The following ZNF407 variants were observed in gnomAD, a reference collection of about 807,000 sequenced individuals.
ZNF407 encodes the protein zinc finger protein 407.
A neutral mutation model predicts 131.2 loss-of-function variants in ZNF407; 17 were observed. The ratio of observed to expected loss-of-function variants is 0.13; its 90% CI spans 0.09 to 0.19. The LOEUF (loss-of-function observed/expected upper bound fraction) is 0.19. Ranked by LOEUF, ZNF407 falls within the 10% of genes least tolerant of loss-of-function variation. ZNF407 has a pLI of 1.00. For missense variants in ZNF407, 2,681 were observed against 2,830.6 expected (o/e 0.95, Z 1.20); for synonymous variants, 1,156 against 1,062.0 (o/e 1.09, Z -1.72).
chr18:75,001,790 G>GAAAA, intron 8 of ZNF407, among the ~76,000 whole-genome samples: 1 of 152,334 alleles, frequency 6.6e-6, no homozygotes, highest in South Asian at 2.1e-4. Flanking sequence ...ATAGTAGGTT[G>GAAAA]TATGTGGAAT....
At chr18:74,601,659 G>A (rs966763799) in intron 1 of ZNF407, among the ~76,000 whole-genome samples, 6 of 152,062 alleles carry the variant, frequency 3.9e-5, no homozygotes, top group Non-Finnish European at 2.9e-5. Context: ...GAGCAGGAGC[G>A]AGAGAGTGGG....
At chr18:74,963,504 T>A (rs1269149121) in intron 8 of ZNF407, among the ~76,000 whole-genome samples, 1 of 152,244 alleles carries the variant, frequency 6.6e-6, no homozygotes, top group Non-Finnish European at 1.5e-5. Context: ...CTACTCGATT[T>A]TTTTTTAATC....
chr18:74,791,797 C>A (rs1022577503), intron 4 of ZNF407, among the ~76,000 whole-genome samples: 5 of 152,112 alleles, frequency 3.3e-5, no homozygotes, highest in African/African-American at 1.2e-4. Flanking sequence ...TGGTTAATTT[C>A]TTGAGGGCTG....
chr18:74,726,742 C>G (rs1408815402), intron 3 of ZNF407, among the ~76,000 whole-genome samples: 2 of 152,130 alleles, frequency 1.3e-5, no homozygotes, highest in Non-Finnish European at 2.9e-5. Flanking sequence ...TAAATTAGTA[C>G]ACATTAGTTT....
At chr18:74,721,130 A>G (rs928489014) in intron 3 of ZNF407, among the ~76,000 whole-genome samples, 12 of 151,866 alleles carry the variant, frequency 7.9e-5, no homozygotes, top group Non-Finnish European at 4.4e-5. Context: ...TGAACAGGAG[A>G]TGTCTTTCCA....
intron 3 of ZNF407, among the ~76,000 whole-genome samples, chr18:74,719,041 T>C (rs1363428573): frequency 6.6e-6 from 1 of 152,186 alleles, no homozygotes; most frequent in African/African-American, 2.4e-5. Flanking sequence ...CTTGTTGCCT[T>C]TATTGTATTT....
intron 3 of ZNF407, among the ~76,000 whole-genome samples, chr18:74,700,592 A>T (rs1349776049): frequency 3.3e-5 from 5 of 152,134 alleles, no homozygotes; most frequent in Non-Finnish European, 5.9e-5. Context: ...CTCAGCTATA[A>T]TTTCTCGATT....
chr18:75,040,937 G>T (rs148475871), intron 8 of ZNF407, among the ~76,000 whole-genome samples: 1 of 152,182 alleles, frequency 6.6e-6, no homozygotes, highest in African/African-American at 2.4e-5. Flanking sequence ...TGTCCTGCTC[G>T]TGAAGTAGGA....
chr18:74,603,228 G>T (rs1427606311), intron 1 of ZNF407, among the ~76,000 whole-genome samples: 1 of 152,192 alleles, frequency 6.6e-6, no homozygotes, highest in African/African-American at 2.4e-5. Flanking sequence ...GAGAGTTGAT[G>T]ATAAGGAATC....
intron 1 of ZNF407, among the ~76,000 whole-genome samples, chr18:74,630,327 T>C (rs1347325144): frequency 6.6e-6 from 1 of 151,996 alleles, no homozygotes; most frequent in Non-Finnish European, 1.5e-5. Flanking sequence ...CCTGCCACCA[T>C]ACCTGGCTAA....
At chr18:75,062,049 C>A (rs1056646727) in intron 8 of ZNF407, 2 of 152,284 alleles carry the variant, frequency 1.3e-5, no homozygotes, top group Non-Finnish European at 2.9e-5. Context: ...CCTTGGGCAA[C>A]CTGCTCTGTG....
chr18:74,703,045 ATAACT>A lies in ZNF407; in HGVS notation c.4802+61926_4802+61930del, dbSNP rs1967537519. On this transcript the variant is annotated intron_variant, in intron 3 of 8. Transcript: ENST00000299687. The surrounding 1 kb of genome is among the most constrained non-coding windows in gnomAD (Gnocchi z 4.1). ...AATTTGGGGCTCTTCTTCCAGGAGC[ATAACT>A]TACACATGCCTGGTCTAGTGGTTGG... Among the ~76,000 whole-genome samples the A allele has an allele frequency of 6.6e-6, 1 of 152,234 alleles. No homozygotes were observed. Among genetic ancestry groups the A allele is most frequent in the African/African-American group, 2.4e-5 (1 of 41,466 alleles).
intron 4 of ZNF407, among the ~76,000 whole-genome samples, chr18:74,835,872 C>T (rs1443320234): frequency 6.6e-6 from 1 of 152,056 alleles, no homozygotes; most frequent in East Asian, 1.9e-4. Context: ...GTGAGATCAG[C>T]TCACAGGTAC....
At chr18:74,708,514 A>G (rs1334745601) in intron 3 of ZNF407, among the ~76,000 whole-genome samples, 1 of 151,782 alleles carries the variant, frequency 6.6e-6, no homozygotes, top group Non-Finnish European at 1.5e-5. Flanking sequence ...GAAGAGAAGC[A>G]TGTTGCTTCA....
intron 4 of ZNF407, among the ~76,000 whole-genome samples, chr18:74,847,888 T>C (rs914817973): frequency 1.3e-5 from 2 of 152,132 alleles, no homozygotes; most frequent in Non-Finnish European, 2.9e-5. Context: ...CACAGTGTTT[T>C]CATCCTTCTC....
chr18:74,788,696 T>C (rs1213095424), intron 4 of ZNF407, among the ~76,000 whole-genome samples: 1 of 150,834 alleles, frequency 6.6e-6, no homozygotes. Flanking sequence ...TAAGTGTTAG[T>C]AGTATATGTC....
At chr18:74,891,800 C>A (rs1294237759) in intron 7 of ZNF407, among the ~76,000 whole-genome samples, 1 of 152,106 alleles carries the variant, frequency 6.6e-6, no homozygotes, top group African/African-American at 2.4e-5. Context: ...ACAAGAATTT[C>A]CTTTAATTTT....
chr18:74,632,228 G>T lies in ZNF407; in HGVS notation c.1209G>T (p.Gln403His). ...TGGAATCTACAAAAAATACCCTTCA[G>T]GCAGCACACGGTAACAGTGTAACCT... ...EKLESTKNTL[Q>H]AAHGNSVTSR... is the part of the protein sequence containing the mutation. The change falls in exon 2 of 9, where the codon CAG becomes CAT. Residue 403 changes from glutamine to histidine, a missense_variant. Around this residue, in one of 6 missense-constraint regions of ZNF407, gnomAD observed 1,789 missense variants for 1,748.7 expected, o/e 1.02. Coordinates refer to ENST00000299687, the MANE Select transcript of ZNF407 (RefSeq NM_017757.3). 1 of 1,613,960 alleles carries T rather than the reference G, an allele frequency of 6.2e-7. No homozygotes were observed. Among genetic ancestry groups the T allele is most frequent in the Middle Eastern group, 1.6e-4 (1 of 6,062 alleles).
At chr18:74,816,104 A>G (rs745364769) in intron 4 of ZNF407, among the ~76,000 whole-genome samples, 3 of 152,198 alleles carry the variant, frequency 2.0e-5, no homozygotes, top group Non-Finnish European at 4.4e-5. Context: ...GTATGAAGGG[A>G]CAATCATGAA....
Sources: gnomAD v4.1 joint callset for allele counts (sites outside exome capture counted in the v4.1 genomes callset) on GRCh38, gnomAD v4.1.1 for gene constraint, gnomAD v4.1.1 regional missense constraint, Gnocchi (gnomAD v3.1) non-coding constraint, MANE v1.5 for transcripts, NCBI Gene and HGNC (gene_info 2026-07-23, HGNC 2026-07-21) for gene names.